Variants in SIL1 observed in about 807,000 individuals in gnomAD.
SIL1 encodes SIL1 nucleotide exchange factor.
In SIL1, 40 loss-of-function variants were observed where a neutral mutation model predicts 49.1. That is an observed-to-expected ratio of 0.81 (90% CI 0.63 to 1.06). The LOEUF is 1.06. SIL1 is among the 50% of genes least tolerant of loss of function. The pLI is 0.00. For missense variants in SIL1, 500 were observed against 572.6 expected (o/e 0.87, Z 1.29); for synonymous variants, 253 against 250.8 (o/e 1.01, Z -0.08).
intron 7 of SIL1, among the ~76,000 whole-genome samples, chr5:138,970,964 T>G (rs1767257444): frequency 6.6e-6 from 1 of 151,306 alleles, no homozygotes; most frequent in South Asian, 2.1e-4. Context: ...CCTGCTTGTG[T>G]GACACACACA....
chr5:139,063,408 C>T (rs1769638330), intron 3 of SIL1, among the ~76,000 whole-genome samples: 1 of 152,240 alleles, frequency 6.6e-6, no homozygotes, highest in African/African-American at 2.4e-5. Context: ...GGGCATCTCA[C>T]ACCTGTTTCC....
At chr5:138,982,279 T>C (rs963352499) in intron 7 of SIL1, among the ~76,000 whole-genome samples, 14 of 152,226 alleles carry the variant, frequency 9.2e-5, no homozygotes, top group Non-Finnish European at 1.9e-4. Context: ...CAAACCCAGC[T>C]GGCAAATGCA....
intron 3 of SIL1, among the ~76,000 whole-genome samples, chr5:139,112,814 G>A (rs1378795333): frequency 1.3e-5 from 2 of 152,212 alleles, no homozygotes; most frequent in Non-Finnish European, 2.9e-5. Context: ...ACAGCTCATT[G>A]AGAACGGGCC....
intron 7 of SIL1, among the ~76,000 whole-genome samples, chr5:138,960,636 A>G (rs1209105482): frequency 1.3e-5 from 2 of 151,984 alleles, no homozygotes; most frequent in African/African-American, 4.8e-5. Flanking sequence ...TTGTATTTTT[A>G]GTGGAGAGAA....
chr5:139,011,714 G>GT (rs1039620051), intron 7 of SIL1, among the ~76,000 whole-genome samples: 1 of 152,104 alleles, frequency 6.6e-6, no homozygotes, highest in African/African-American at 2.4e-5. Context: ...GCTTTGTGAT[G>GT]TTTTGGTTGT....
rs1021732683 is a variant in SIL1, at chr5:139,071,856, G to A, written c.245-20810C>T. Among the ~76,000 whole-genome samples, 4 of 151,662 alleles carry A rather than the reference G, an allele frequency of 2.6e-5. No homozygotes were observed. In the South Asian group the frequency reaches 6.3e-4, roughly 24 times the overall value. ...TAATTTTTGTATTTTTAGTAGAGAC[G>A]GGGTTTCACCATCTTGGTCAGGCTG... On this transcript the variant is annotated intron_variant, in intron 3 of 9. Transcript: ENST00000394817.
chr5:138,951,783 C>T lies in SIL1; in HGVS notation c.864+5G>A. ...CTGGGCAGGAGGAAGGGCATGGAAA[C>T]ACACCTTCTTCTTTGCAGTGAGCGG... On this transcript the variant is annotated splice_donor_5th_base_variant and intron_variant, in intron 8 of 9. Transcript: ENST00000394817. The T allele has an allele frequency of 6.2e-7, 1 of 1,613,780 alleles. No homozygotes were observed. The highest frequency in any genetic ancestry group is 8.5e-7 in the Non-Finnish European group (1 of 1,179,750).
rs533604303 is a variant in SIL1, at chr5:139,149,886, T to TA, written c.-10-22034dup. Among the ~76,000 whole-genome samples, 211 of 152,124 alleles carry TA rather than the reference T, an allele frequency of 1.4e-3. 1 individual carries two copies. Among genetic ancestry groups the TA allele is most frequent in the Non-Finnish European group, 2.7e-3 (186 of 68,030 alleles). Reference sequence around the variant, plus strand: ...AGACCTCCTTGCCAGACAGGTTAGATAGAGTTCAAACACATAGCTCACTGC... The same window carrying TA: ...AGACCTCCTTGCCAGACAGGTTAGATAAGAGTTCAAACACATAGCTCACTGC... On this transcript the variant is annotated intron_variant, in intron 1 of 9. Coordinates refer to ENST00000394817, the MANE Select transcript of SIL1 (RefSeq NM_022464.5).
chr5:139,174,686 C>T, intron 1 of SIL1, among the ~76,000 whole-genome samples: 1 of 151,766 alleles, frequency 6.6e-6, no homozygotes, highest in Admixed American at 6.6e-5. Context: ...GCCTGTAATC[C>T]CAGCACTTTG....
At chr5:138,986,583 C>T (rs1767654028) in intron 7 of SIL1, among the ~76,000 whole-genome samples, 1 of 152,160 alleles carries the variant, frequency 6.6e-6, no homozygotes, top group African/African-American at 2.4e-5. Context: ...AACACCAGCC[C>T]TCTCAAGGCA....
chr5:139,173,852 A>C (rs1751826749), intron 1 of SIL1, among the ~76,000 whole-genome samples: 1 of 150,912 alleles, frequency 6.6e-6, no homozygotes, highest in African/African-American at 2.4e-5. Context: ...CCAGCTACTC[A>C]GGAGGCTGAG....
At chr5:139,123,610 C>A (rs1285125432) in intron 2 of SIL1, among the ~76,000 whole-genome samples, 3 of 152,182 alleles carry the variant, frequency 2.0e-5, no homozygotes, top group African/African-American at 7.2e-5. Flanking sequence ...CATTAGACTG[C>A]AGGACCAGGA....
chr5:139,170,750 G>A (rs1368623358), intron 1 of SIL1, among the ~76,000 whole-genome samples: 4 of 150,342 alleles, frequency 2.7e-5, no homozygotes, highest in South Asian at 2.1e-4. Context: ...GTCTCCGCCC[G>A]GCAGCCACCC....
chr5:139,067,993 A>G (rs1769744068), intron 3 of SIL1, among the ~76,000 whole-genome samples: 2 of 152,264 alleles, frequency 1.3e-5, no homozygotes, highest in South Asian at 4.1e-4. Flanking sequence ...TATCCCTTCA[A>G]TGGAATATAT....
chr5:139,089,702 C>T (rs941471163), intron 3 of SIL1, among the ~76,000 whole-genome samples: 3 of 152,140 alleles, frequency 2.0e-5, no homozygotes, highest in Non-Finnish European at 4.4e-5. Flanking sequence ...AAGACAGACA[C>T]AAAAACTCAT....
chr5:139,019,844 G>A (rs1039579424), intron 7 of SIL1, among the ~76,000 whole-genome samples: 5 of 152,182 alleles, frequency 3.3e-5, no homozygotes, highest in Admixed American at 2.6e-4. Context: ...AAAGGGTCTG[G>A]AGAGAGGTTA....
At chr5:139,101,565 TC>T (rs1561862419) in intron 3 of SIL1, among the ~76,000 whole-genome samples, 1 of 152,130 alleles carries the variant, frequency 6.6e-6, no homozygotes, top group African/African-American at 2.4e-5. Context: ...CCTTTTCTCT[TC>T]CCCCCAAAAT....
chr5:139,132,046 T>TACACAC (rs372197238), intron 1 of SIL1, among the ~76,000 whole-genome samples: 1 of 151,364 alleles, frequency 6.6e-6, no homozygotes, highest in Non-Finnish European at 1.5e-5. Context: ...CTCATGTGTA[T>TACACAC]ACACACACAC....
chr5:139,012,422 A>T (rs1310205678), intron 7 of SIL1: 1 of 152,020 alleles, frequency 6.6e-6, no homozygotes, highest in Non-Finnish European at 1.5e-5. Flanking sequence ...TGGGAGACCA[A>T]AGTGCTGGCA....
Sources: gnomAD v4.1 joint callset for allele counts (sites outside exome capture counted in the v4.1 genomes callset) on GRCh38, gnomAD v4.1.1 for gene constraint, MANE v1.5 for transcripts, NCBI Gene and HGNC (gene_info 2026-07-23, HGNC 2026-07-21) for gene names.